CWC22: variants seen among roughly 807,000 people sequenced by gnomAD.
CWC22 encodes the protein pre-mRNA-splicing factor CWC22 homolog.
In CWC22, 53 loss-of-function variants were observed where a neutral mutation model predicts 117.2. The observed-to-expected ratio is 0.45, with a 90% CI of 0.36 to 0.57. CWC22 has a LOEUF of 0.57. CWC22 is among the 20% of genes least tolerant of loss of function. CWC22 has a pLI of 0.00. For missense variants in CWC22, 980 were observed against 1,068.8 expected, an observed-to-expected ratio of 0.92 and a Z score of 1.16; for synonymous variants, 360 against 355.6, an observed-to-expected ratio of 1.01 and a Z score of -0.14.
rs138259277 is a variant in CWC22 at position 179,993,020 on chromosome 2, C to T, written c.27+295G>A. 3.9e-3 allele frequency among the ~76,000 whole-genome samples: 601 copies of T among 152,232 alleles called. 5 individuals are homozygous for T. Among genetic ancestry groups the T allele is most frequent in the African/African-American group, 0.013 (560 of 41,524 alleles). ...CCATGTGTATACACACACACACACG[C>T]GCACACACACGTACACACACTTCTG... On this transcript the variant is annotated intron_variant, in intron 2 of 19. Transcript: ENST00000410053.
At chr2:179,969,693 T>C (rs1686982293) in intron 11 of CWC22, among the ~76,000 whole-genome samples, 1 of 152,134 alleles carries the variant, frequency 6.6e-6, no homozygotes, top group Non-Finnish European at 1.5e-5. Flanking sequence ...ACTTTTGGGG[T>C]TTAATACAAA....
chr2:179,945,484 G>C lies in CWC22; in HGVS notation c.2372C>G (p.Pro791Arg), dbSNP rs1392928094. ...ITKYTSDKDV[P>R]SERNNYSRVA... is the part of the protein sequence containing the mutation. ...TCTACTGTAGTTATTTCGTTCAGAA[G>C]GAACATCTTTGTCTGATGTGTACTT... Residue 791 changes from proline (P) to arginine (R), a missense_variant, in exon 20 of 20, where the codon CCT becomes CGT. This residue lies in a region of CWC22 where 306 missense variants were observed against 296.8 expected (regional missense o/e 1.03). Coordinates refer to ENST00000410053, the MANE Select transcript of CWC22 (RefSeq NM_020943.3). The C allele has an allele frequency of 3.1e-6, 5 of 1,612,714 alleles. No individual in the cohort carries two copies. Among genetic ancestry groups the C allele is most frequent in the Admixed American group, 1.7e-5 (1 of 59,972 alleles).
chr2:179,964,512 A>C, intron 13 of CWC22, 35 bp downstream of exon 13: 1 of 1,257,204 alleles, frequency 8.0e-7, no homozygotes, highest in Non-Finnish European at 1.1e-6. Flanking sequence ...CTTATCAAAA[A>C]CAAAAAAAGG....
intron 2 of CWC22, among the ~76,000 whole-genome samples, chr2:179,988,977 A>T (rs2105550067): frequency 6.6e-6 from 1 of 151,280 alleles, no homozygotes; most frequent in South Asian, 2.1e-4. Context: ...TTACATGGAT[A>T]AGTTCTTTAG....
intron 5 of CWC22, among the ~76,000 whole-genome samples, chr2:179,980,458 C>T (rs1299827878): frequency 2.1e-5 from 3 of 142,096 alleles, no homozygotes; most frequent in Admixed American, 7.3e-5. Context: ...CTCTCTGTTG[C>T]CCAGGCTGGA....
intron 15 of CWC22, 147 bp downstream of exon 15, chr2:179,954,810 A>G (rs967171138): frequency 1.7e-5 from 10 of 572,882 alleles, no homozygotes; most frequent in Non-Finnish European, 2.8e-5. Flanking sequence ...AGGAAGGTGA[A>G]GAGAGTGGGA....
At chr2:179,974,063 T>C (rs1687096408) in intron 6 of CWC22, among the ~76,000 whole-genome samples, 1 of 152,184 alleles carries the variant, frequency 6.6e-6, no homozygotes, top group Non-Finnish European at 1.5e-5. Flanking sequence ...TAATTCCTCT[T>C]TTCCCAGTCT....
chr2:179,952,922 G>C (rs1298897787), intron 16 of CWC22, among the ~76,000 whole-genome samples: 1 of 152,082 alleles, frequency 6.6e-6, no homozygotes, highest in East Asian at 1.9e-4. Context: ...TCAAAATGTG[G>C]TGTATATGAA....
intron 14 of CWC22, among the ~76,000 whole-genome samples, chr2:179,957,815 A>G (rs1378107717): frequency 1.4e-5 from 2 of 146,158 alleles, no homozygotes. Flanking sequence ...CTAGATGGGA[A>G]GGAAGCAATA....
rs147251105 is a variant in CWC22, at chr2:179,971,038, G to A, written c.843C>T (p.Leu281=). 1.2e-6 allele frequency: 2 copies of A among 1,605,938 alleles called. No homozygotes were observed. The highest frequency in any genetic ancestry group is 1.7e-6 in the Non-Finnish European group (2 of 1,174,970). The part of the protein sequence containing the change: ...EVLCLEMLTL[L]LERPTDDSVE... Reference sequence around the variant, plus strand: ...CGCTATCATCTGTTGGTCTTTCCAGGAGCAAAGTGAGCATCTCTAAGCATA... The same window carrying A: ...CGCTATCATCTGTTGGTCTTTCCAGAAGCAAAGTGAGCATCTCTAAGCATA... Residue 281 remains leucine (L), a synonymous_variant, in exon 9 of 20, where the codon CTC becomes CTT. Coordinates refer to ENST00000410053, the MANE Select transcript of CWC22 (RefSeq NM_020943.3).
At position 180,007,064 on chromosome 2, in the gene CWC22, A is replaced by T. The variant is rs1688001038; in HGVS notation, c.-311T>A. On this transcript the variant is annotated 5_prime_UTR_variant, in exon 1 of 20. Transcript: ENST00000410053. ...CTGCGGGGACTCCACGGAGTTCGATAATTACCTAGAGCTCCACCGCGCCGC... is the reference window on the plus strand; with the variant it reads ...CTGCGGGGACTCCACGGAGTTCGATTATTACCTAGAGCTCCACCGCGCCGC... 6.6e-6 allele frequency: 1 copy of T among 152,040 alleles called. No homozygotes were observed. Among genetic ancestry groups the T allele is most frequent in the Non-Finnish European group, 1.5e-5 (1 of 68,012 alleles). 9.4% of individuals were successfully genotyped at this position (152,040 alleles called of 1,614,324 possible).
chr2:179,978,307 T>C lies in CWC22; in HGVS notation c.464A>G (p.Gln155Arg). The C allele has an allele frequency of 6.6e-7, 1 of 1,508,890 alleles. No homozygotes were observed. The highest frequency in any genetic ancestry group is 8.8e-7 in the Non-Finnish European group (1 of 1,131,678). The allele number at this position is 1,508,890 out of a possible 1,614,324, so 93.5% of individuals were successfully genotyped here. A position where few individuals can be genotyped will look rare whatever the true frequency, so the allele number is the denominator to read the frequency against. The change falls in exon 6 of 20, where the codon CAG becomes CGG. Residue 155 changes from glutamine to arginine, a missense_variant. Gln to Arg is a conservative substitution (Grantham distance 43). Coordinates refer to ENST00000410053, the MANE Select transcript of CWC22 (RefSeq NM_020943.3). ...CTTCAGGGCCTCCCAACTCATCCTC[T>C]GGTATGCTAAGCTAAAAAGAAGTGA... ...QITDKNSLAY[Q>R]RMSWEALKKS...
At position 179,986,839 on chromosome 2, in the gene CWC22, A is replaced by G. The variant is rs778933173; in HGVS notation, c.96-34T>C. On this transcript the variant is annotated intron_variant, in intron 3 of 19. Coordinates refer to ENST00000410053, the MANE Select transcript of CWC22 (RefSeq NM_020943.3). ...AAATAAGAAAACCAAGTTGCAAATT[A>G]AAAACAACTATGTTATAAATATTTA... The G allele has an allele frequency of 6.0e-6, 7 of 1,167,078 alleles. No homozygotes were observed. In the South Asian group the frequency reaches 9.9e-5, roughly 16 times the overall value. The allele number at this position is 1,167,078 out of a possible 1,614,324, so 72.3% of individuals were successfully genotyped here. A position where few individuals can be genotyped will look rare whatever the true frequency, so the allele number is the denominator to read the frequency against.
intron 16 of CWC22, among the ~76,000 whole-genome samples, chr2:179,953,900 T>C (rs1280483256): frequency 6.6e-6 from 1 of 152,240 alleles, no homozygotes; most frequent in East Asian, 1.9e-4. Context: ...TGAGTGTGCA[T>C]GCACGTGTGT....
chr2:179,950,533 T>A lies in CWC22; in HGVS notation c.2119A>T (p.Ser707Cys), dbSNP rs779096870. The part of the protein sequence containing the change: ...SSEESDSSSI[S>C]SHSSASANDV... ...ATACCTGAGGCAGAGCTATGACTAC[T>A]GATGGATGAAGAGTCGCTCTCTTCA... Residue 707 changes from serine (S) to cysteine (C), a missense_variant, in exon 19 of 20, where the codon AGT (serine) becomes TGT (cysteine). Coordinates refer to ENST00000410053, the MANE Select transcript of CWC22 (RefSeq NM_020943.3). 6.2e-7 allele frequency: 1 copy of A among 1,611,340 alleles called. No individual in the cohort carries two copies. Among genetic ancestry groups the A allele is most frequent in the Non-Finnish European group, 8.5e-7 (1 of 1,178,182 alleles).
intron 1 of CWC22, among the ~76,000 whole-genome samples, chr2:180,003,080 C>T (rs958879746): frequency 6.6e-6 from 1 of 152,148 alleles, no homozygotes; most frequent in Admixed American, 6.5e-5. Context: ...TCCTATAATG[C>T]CATTTTGTCA....
At position 179,970,491 on chromosome 2, in the gene CWC22, T is replaced by C; in HGVS notation, c.1210+10A>G. 6.6e-7 allele frequency: 1 copy of C among 1,517,944 alleles called. No homozygotes were observed. Among genetic ancestry groups the C allele is most frequent in the African/African-American group, 1.4e-5 (1 of 71,796 alleles). 94.0% of individuals were successfully genotyped at this position (1,517,944 alleles called of 1,614,324 possible). A position where few individuals can be genotyped will look rare whatever the true frequency, so the allele number is the denominator to read the frequency against. ...ATCCAAACTAAATTATTTTATAAAA[T>C]TTTACATACCTTTCTTAATAGCTTT... On this transcript the variant is annotated intron_variant, in intron 11 of 19. Transcript: ENST00000410053.
intron 1 of CWC22, among the ~76,000 whole-genome samples, chr2:180,005,749 G>A (rs1687954842): frequency 6.6e-6 from 1 of 152,184 alleles, no homozygotes; most frequent in African/African-American, 2.4e-5. Flanking sequence ...TGCCTCATCT[G>A]CATTATTTTT....
At chr2:179,963,289 T>C (rs1686800280) in intron 13 of CWC22, among the ~76,000 whole-genome samples, 1 of 150,580 alleles carries the variant, frequency 6.6e-6, no homozygotes, top group African/African-American at 2.4e-5. Context: ...TCTGAGAAAA[T>C]ATTTCTCACT....
Sources: allele counts gnomAD v4.1 joint callset (sites outside exome capture counted in the v4.1 genomes callset), GRCh38; gene constraint gnomAD v4.1.1; regional missense constraint gnomAD v4.1.1; transcripts MANE v1.5; gene names NCBI Gene and HGNC (gene_info 2026-07-23, HGNC 2026-07-21).